The following ALPK2 variants were observed in gnomAD, a reference collection of about 807,000 sequenced individuals.
ALPK2 encodes the protein alpha-protein kinase 2.
Under a neutral mutation model 163.1 loss-of-function variants are expected in ALPK2, and 127 were observed. The observed-to-expected ratio is 0.78, with a 90% CI of 0.67 to 0.90. The LOEUF is 0.90. Among genes scored for constraint, ALPK2 ranks in the 40% least tolerant of loss-of-function variants. The pLI is 0.00. For synonymous variants in ALPK2, 953 were observed against 959.1 expected (o/e 0.99, Z 0.12); for missense variants, 2,360 against 2,589.6 (o/e 0.91, Z 1.92).
At chr18:58,528,928 A>T in intron 6 of ALPK2, 163 bp downstream of exon 6, 2 of 850,460 alleles carry the variant, frequency 2.4e-6, no homozygotes, top group African/African-American at 1.7e-5. Context: ...CCATCCAGAC[A>T]CTTGTCTTCC....
At chr18:58,532,530 CAG>C (rs768942379) in intron 5 of ALPK2, among the ~76,000 whole-genome samples, 5 of 152,172 alleles carry the variant, frequency 3.3e-5, no homozygotes, top group Non-Finnish European at 7.3e-5. Context: ...CTGAGTTTTT[CAG>C]AGAGGAGGAG....
chr18:58,622,677 T>C (rs574186116), intron 1 of ALPK2, among the ~76,000 whole-genome samples: 12 of 152,190 alleles, frequency 7.9e-5, no homozygotes, highest in Non-Finnish European at 1.5e-4. Context: ...AAGTTGAATG[T>C]CATGGGCCGA....
At chr18:58,602,031 C>T (rs535767497) in intron 3 of ALPK2, among the ~76,000 whole-genome samples, 2 of 152,200 alleles carry the variant, frequency 1.3e-5, no homozygotes, top group Admixed American at 1.3e-4. Flanking sequence ...TGTTTCCAGA[C>T]ATTACCAAAT....
At chr18:58,577,008 G>T (rs950441942) in intron 4 of ALPK2, among the ~76,000 whole-genome samples, 12 of 152,210 alleles carry the variant, frequency 7.9e-5, no homozygotes, top group African/African-American at 2.7e-4. Flanking sequence ...CAGCGCACAG[G>T]TTGGACCTTC....
rs2051405440 is a variant in ALPK2, at chr18:58,497,267, G to A, written c.6296+782C>T. 5.9e-5 allele frequency among the ~76,000 whole-genome samples: 9 copies of A among 152,298 alleles called. No homozygotes were observed. The South Asian group carries it at 1.9e-3, about 32-fold the overall frequency. Reference sequence around the variant, plus strand: ...AGAAGCCATCCCCTCCAAAAGTCATGAGCTCTCTTTTCCTCCCCCTTACAG... The same window carrying A: ...AGAAGCCATCCCCTCCAAAAGTCATAAGCTCTCTTTTCCTCCCCCTTACAG... On this transcript the variant is annotated intron_variant, in intron 12 of 12. Transcript: ENST00000361673.
At chr18:58,590,875 C>T (rs1240733520) in intron 3 of ALPK2, among the ~76,000 whole-genome samples, 2 of 152,206 alleles carry the variant, frequency 1.3e-5, no homozygotes, top group African/African-American at 2.4e-5. Flanking sequence ...GGTTCTCACC[C>T]ACCTGCCTTC....
chr18:58,618,266 C>T (rs754434955), intron 1 of ALPK2, among the ~76,000 whole-genome samples: 3 of 152,210 alleles, frequency 2.0e-5, no homozygotes, highest in Non-Finnish European at 4.4e-5. Context: ...AGGCTGGTCT[C>T]GAACTCCTGA....
chr18:58,500,500 T>G (rs2144109430), intron 11 of ALPK2, among the ~76,000 whole-genome samples: 1 of 152,348 alleles, frequency 6.6e-6, no homozygotes, highest in African/African-American at 2.4e-5. Flanking sequence ...CCAGCAATTA[T>G]GTCAAGGTTA....
chr18:58,484,887 TTACAACTGA>T, intron 12 of ALPK2, among the ~76,000 whole-genome samples: 1 of 152,290 alleles, frequency 6.6e-6, no homozygotes, highest in Non-Finnish European at 1.5e-5. Context: ...ATTATCAACA[TTACAACTGA>T]TGCAACTGAT....
chr18:58,514,934 G>C, intron 10 of ALPK2, 59 bp downstream of exon 10: 2 of 1,343,674 alleles, frequency 1.5e-6, no homozygotes. Flanking sequence ...TCACTCTCTC[G>C]TCCCTCCTAG....
At chr18:58,549,905 C>G (rs115563243) in intron 4 of ALPK2, among the ~76,000 whole-genome samples, 1 of 152,046 alleles carries the variant, frequency 6.6e-6, no homozygotes, top group African/African-American at 2.4e-5. Flanking sequence ...TCTCAGTTTC[C>G]CTTAGCTTGC....
chr18:58,510,299 T>A (rs1377788170), intron 10 of ALPK2, among the ~76,000 whole-genome samples: 5 of 152,336 alleles, frequency 3.3e-5, no homozygotes, highest in Admixed American at 1.3e-4. Context: ...CTTGTAGTAT[T>A]GTTTGAAGTC....
intron 10 of ALPK2, among the ~76,000 whole-genome samples, chr18:58,512,897 C>T (rs1445924049): frequency 7.2e-5 from 5 of 69,874 alleles, no homozygotes; most frequent in African/African-American, 1.7e-4. Context: ...GTGTGTAATG[C>T]GTATGTGTGT....
chr18:58,560,514 C>G (rs2051820435), intron 4 of ALPK2, among the ~76,000 whole-genome samples: 1 of 152,206 alleles, frequency 6.6e-6, no homozygotes, highest in Non-Finnish European at 1.5e-5. Flanking sequence ...CCTTCTCTGA[C>G]CGATGCTCCT....
intron 3 of ALPK2, among the ~76,000 whole-genome samples, chr18:58,601,728 C>T (rs371884441): frequency 2.0e-5 from 3 of 152,216 alleles, no homozygotes; most frequent in East Asian, 1.9e-4. Context: ...CCAGCCAATC[C>T]GTAAATGGAC....
chr18:58,601,909 G>C (rs761268696), intron 3 of ALPK2, among the ~76,000 whole-genome samples: 1 of 152,172 alleles, frequency 6.6e-6, no homozygotes, highest in African/African-American at 2.4e-5. Flanking sequence ...TTAGATCGGA[G>C]AATTCTGACT....
At chr18:58,602,620 T>C (rs1208781570) in intron 3 of ALPK2, among the ~76,000 whole-genome samples, 1 of 152,128 alleles carries the variant, frequency 6.6e-6, no homozygotes, top group Non-Finnish European at 1.5e-5. Flanking sequence ...ATACCAGTCA[T>C]TGAATTAGGA....
chr18:58,547,516 A>G (rs1056869697), intron 4 of ALPK2, among the ~76,000 whole-genome samples: 1 of 152,242 alleles, frequency 6.6e-6, no homozygotes, highest in Non-Finnish European at 1.5e-5. Context: ...GTTGGCGTAT[A>G]GACCCTATGG....
chr18:58,611,106 C>T (rs1232193865), intron 2 of ALPK2, among the ~76,000 whole-genome samples: 3 of 131,716 alleles, frequency 2.3e-5, no homozygotes, highest in African/African-American at 8.6e-5. Context: ...AAAAAAAAAA[C>T]AATAAAAATA....
Sources: gnomAD v4.1 joint callset for allele counts (sites outside exome capture counted in the v4.1 genomes callset) on GRCh38, gnomAD v4.1.1 for gene constraint, MANE v1.5 for transcripts, NCBI Gene and HGNC (gene_info 2026-07-23, HGNC 2026-07-21) for gene names.